KPNA1: variants seen among roughly 807,000 people sequenced by gnomAD.
KPNA1 encodes the protein importin subunit alpha-5.
KPNA1 carries 10 observed loss-of-function variants against 70.5 expected under a neutral mutation model. The ratio of observed to expected loss-of-function variants is 0.14; its 90% CI spans 0.09 to 0.24. KPNA1 has a LOEUF of 0.24. Among genes scored for constraint, KPNA1 ranks in the 10% least tolerant of loss-of-function variants. The probability of loss-of-function intolerance (pLI) is 1.00; values close to 1 mark genes in which losing one functional copy is unlikely to be tolerated. For missense variants in KPNA1, 397 were observed against 637.9 expected, an observed-to-expected ratio of 0.62 and a Z score of 4.07; for synonymous variants, 192 against 221.9, an observed-to-expected ratio of 0.87 and a Z score of 1.20.
At chr3:122,507,973 A>T (rs779538469) in intron 1 of KPNA1, among the ~76,000 whole-genome samples, 1 of 152,296 alleles carries the variant, frequency 6.6e-6, no homozygotes, top group East Asian at 1.9e-4. Flanking sequence ...TTTTCTTCCC[A>T]TATCATATTA....
chr3:122,439,264 C>T (rs947509509), intron 10 of KPNA1, among the ~76,000 whole-genome samples: 1 of 152,156 alleles, frequency 6.6e-6, no homozygotes, highest in African/African-American at 2.4e-5. Flanking sequence ...CTCACTGCAA[C>T]CTCAAACTCC....
intron 2 of KPNA1, among the ~76,000 whole-genome samples, chr3:122,495,606 G>A (rs9883175): frequency 0.069 from 10,514 of 151,328 alleles, 1,197 homozygotes; most frequent in African/African-American, 0.24. Flanking sequence ...CACTATAACT[G>A]CAAAATATTT....
chr3:122,485,572 A>G (rs989232085), intron 2 of KPNA1, among the ~76,000 whole-genome samples: 3 of 152,230 alleles, frequency 2.0e-5, no homozygotes, highest in Admixed American at 6.5e-5. Context: ...AAATATGTGT[A>G]AAACACGTAT....
intron 1 of KPNA1, among the ~76,000 whole-genome samples, chr3:122,499,276 T>A (rs866782508): frequency 1.3e-5 from 2 of 152,236 alleles, no homozygotes; most frequent in Non-Finnish European, 2.9e-5. Context: ...GACCTTAGAA[T>A]GAAAGCAGTC....
At chr3:122,512,978 C>T (rs1015239584) in intron 1 of KPNA1, among the ~76,000 whole-genome samples, 2 of 152,128 alleles carry the variant, frequency 1.3e-5, no homozygotes, top group African/African-American at 2.4e-5. Flanking sequence ...GCTTTCCCTG[C>T]TACACTATAA....
intron 1 of KPNA1, among the ~76,000 whole-genome samples, chr3:122,507,440 C>CAAA (rs11406672): frequency 4.6e-4 from 52 of 113,266 alleles, no homozygotes; most frequent in Non-Finnish European, 6.5e-4. Context: ...GACTCCATCT[C>CAAA]AAAAAAAAAA....
At chr3:122,505,993 C>A (rs1306004810) in intron 1 of KPNA1, among the ~76,000 whole-genome samples, 1 of 152,222 alleles carries the variant, frequency 6.6e-6, no homozygotes, top group Non-Finnish European at 1.5e-5. Flanking sequence ...ACGTTTTTAA[C>A]CACTTCTTAG....
In KPNA1 at chr3:122,463,988, C is replaced by T. The variant is rs1314436006; in HGVS notation, c.291G>A (p.Glu97=). 6.2e-7 allele frequency: 1 copy of T among 1,607,802 alleles called. No homozygotes were observed. Residue 97 remains glutamate, a synonymous_variant, in exon 4 of 14, where the codon GAG becomes GAA. Coordinates refer to ENST00000344337, the MANE Select transcript of KPNA1 (RefSeq NM_002264.4). ...MIEMIFSKSP[E]QQLSATQKFR... ...ATTTCTGTGTTGCTGAAAGCTGTTG[C>T]TCTGGGCTTTTGGAAAATATCATTT...
intron 1 of KPNA1, among the ~76,000 whole-genome samples, chr3:122,502,501 C>T (rs997411181): frequency 1.3e-5 from 2 of 152,206 alleles, no homozygotes; most frequent in African/African-American, 4.8e-5. Context: ...GAAATCAACT[C>T]TGCTGGCACC....
rs1255442386 is a variant in KPNA1, at chr3:122,433,653, G to T, written c.1250+8C>A. ...TAACTTACAATATGCTGCCTGATTGGTACTTACTTGATCTGTTCAGCTGAT... is the reference window on the plus strand; with the variant it reads ...TAACTTACAATATGCTGCCTGATTGTTACTTACTTGATCTGTTCAGCTGAT... On this transcript the variant is annotated splice_region_variant and intron_variant, in intron 12 of 13. Transcript: ENST00000344337. The T allele has an allele frequency of 6.3e-7, 1 of 1,590,452 alleles. No homozygotes were observed. The highest frequency in any genetic ancestry group is 1.4e-5 in the African/African-American group (1 of 73,126).
intron 2 of KPNA1, among the ~76,000 whole-genome samples, chr3:122,478,034 T>C (rs748931065): frequency 6.0e-5 from 9 of 151,260 alleles, no homozygotes; most frequent in Non-Finnish European, 1.0e-4. Flanking sequence ...TGGTGGCACG[T>C]GCCTCTAATG....
intron 5 of KPNA1, among the ~76,000 whole-genome samples, chr3:122,455,540 A>T (rs1270447908): frequency 1.3e-5 from 2 of 151,998 alleles, no homozygotes; most frequent in Non-Finnish European, 2.9e-5. Flanking sequence ...TGACATTTGT[A>T]CCGTACTTTA....
intron 2 of KPNA1, 29 bp downstream of exon 2, chr3:122,496,408 A>G (rs771832827): frequency 1.9e-6 from 3 of 1,603,358 alleles, no homozygotes; most frequent in South Asian, 1.1e-5. Flanking sequence ...AAATTCTTTA[A>G]AAGAAATGAA....
At chr3:122,455,305 C>T (rs924664032) in intron 5 of KPNA1, among the ~76,000 whole-genome samples, 2 of 152,144 alleles carry the variant, frequency 1.3e-5, no homozygotes, top group African/African-American at 4.8e-5. Context: ...AAGTGACATA[C>T]ATGAGTGAGG....
At chr3:122,433,534 TCTCA>T in intron 12 of KPNA1, 123 bp downstream of exon 12, 1 of 676,264 alleles carries the variant, frequency 1.5e-6, no homozygotes, top group Non-Finnish European at 2.4e-6. Flanking sequence ...TAAGATCGTC[TCTCA>T]CTTACTTTTC....
intron 3 of KPNA1, among the ~76,000 whole-genome samples, chr3:122,465,111 TA>T (rs563900104): frequency 3.4e-4 from 52 of 152,308 alleles, no homozygotes; most frequent in Non-Finnish European, 6.0e-4. Context: ...TTACACTATT[TA>T]AGTATTGTTA....
intron 5 of KPNA1, among the ~76,000 whole-genome samples, chr3:122,454,484 T>C (rs2076244563): frequency 2.6e-5 from 4 of 152,218 alleles, no homozygotes; most frequent in Admixed American, 2.6e-4. Flanking sequence ...AAAAAGATAC[T>C]TTTCACTGGA....
chr3:122,490,364 ACTAT>A (rs2076684352), intron 2 of KPNA1, among the ~76,000 whole-genome samples: 1 of 152,222 alleles, frequency 6.6e-6, no homozygotes, highest in South Asian at 2.1e-4. Flanking sequence ...TTTAGAGATC[ACTAT>A]CTTCCACTGC....
chr3:122,505,837 GT>G (rs2107508203), intron 1 of KPNA1, among the ~76,000 whole-genome samples: 1 of 152,268 alleles, frequency 6.6e-6, no homozygotes, highest in South Asian at 2.1e-4. Context: ...GCTCAAGTCT[GT>G]GTCAACTGAC....
Sources: gnomAD v4.1 joint callset for allele counts (sites outside exome capture counted in the v4.1 genomes callset) on GRCh38, gnomAD v4.1.1 for gene constraint, MANE v1.5 for transcripts, NCBI Gene and HGNC (gene_info 2026-07-23, HGNC 2026-07-21) for gene names.